Variants in DLG1 observed in about 807,000 individuals in gnomAD.
DLG1 encodes discs large MAGUK scaffold protein 1.
A neutral mutation model predicts 123.4 loss-of-function variants in DLG1; 42 were observed. The observed-to-expected ratio is 0.34, with a 90% CI of 0.27 to 0.44. The LOEUF is 0.44. DLG1 is among the 20% of genes least tolerant of loss of function. The pLI, the probability that DLG1 is intolerant of heterozygous loss-of-function variation, is 1.00. For missense variants in DLG1, 942 were observed against 1,082.6 expected (o/e 0.87, Z 1.82); for synonymous variants, 317 against 356.2 (o/e 0.89, Z 1.24).
intron 22 of DLG1, among the ~76,000 whole-genome samples, chr3:197,061,152 A>G (rs1009872039): frequency 3.9e-5 from 6 of 152,244 alleles, no homozygotes; most frequent in South Asian, 2.1e-4. Context: ...TCAATACATG[A>G]TAATTTCAAT....
At chr3:197,050,173 C>T (rs2148691768) in intron 24 of DLG1, among the ~76,000 whole-genome samples, 1 of 152,230 alleles carries the variant, frequency 6.6e-6, no homozygotes, top group East Asian at 1.9e-4. Context: ...CAAGACCGTC[C>T]TGGCTAACAT....
In DLG1 at chr3:197,065,762, T is replaced by C; in HGVS notation, c.2146A>G (p.Ile716Val). Residue 716 changes from isoleucine to valine, a missense_variant, in exon 21 of 25, where the codon ATA (isoleucine) becomes GTA (valine). Coordinates refer to ENST00000667157, the MANE Select transcript of DLG1 (RefSeq NM_001366207.1). ...VIILGPMKDR[I>V]NDDLISEFPD... ...AATTCTGAGATCAAGTCATCATTTA[T>C]CCTGTCTTTCATAGGTCCCAATATG... 1 of 1,612,736 alleles carries C rather than the reference T, an allele frequency of 6.2e-7. No homozygotes were observed. Among genetic ancestry groups the C allele is most frequent in the Non-Finnish European group, 8.5e-7 (1 of 1,179,138 alleles).
chr3:197,214,057 T>C (rs1015622031), intron 4 of DLG1, among the ~76,000 whole-genome samples: 8 of 152,058 alleles, frequency 5.3e-5, no homozygotes, highest in African/African-American at 1.7e-4. Flanking sequence ...TACAACCAAA[T>C]GAATATGCAA....
At chr3:197,262,672 AC>A (rs760568038) in intron 4 of DLG1, among the ~76,000 whole-genome samples, 28 of 152,252 alleles carry the variant, frequency 1.8e-4, no homozygotes, top group Non-Finnish European at 3.2e-4. Flanking sequence ...CCAAGTAGAC[AC>A]TGCCAGAACT....
At chr3:197,188,670 C>T (rs1204594771) in intron 5 of DLG1, among the ~76,000 whole-genome samples, 2 of 152,134 alleles carry the variant, frequency 1.3e-5, no homozygotes, top group Non-Finnish European at 2.9e-5. Context: ...TGCAGCGTAA[C>T]AGCTGTTCAC....
chr3:197,101,834 C>T (rs1192392504), intron 14 of DLG1, among the ~76,000 whole-genome samples: 1 of 152,074 alleles, frequency 6.6e-6, no homozygotes, highest in Non-Finnish European at 1.5e-5. Flanking sequence ...CTCTGTCGCC[C>T]AGGCTCAAGT....
At chr3:197,195,105 TA>T (rs892217884) in intron 4 of DLG1, among the ~76,000 whole-genome samples, 2 of 151,538 alleles carry the variant, frequency 1.3e-5, no homozygotes, top group African/African-American at 2.4e-5. Flanking sequence ...ACCATAATTT[TA>T]AAAAAAGCTT....
chr3:197,206,347 T>C lies in DLG1; in HGVS notation c.319-11758A>G, dbSNP rs1011430600. 7.9e-5 allele frequency among the ~76,000 whole-genome samples: 12 copies of C among 152,200 alleles called. No individual in the cohort carries two copies. The East Asian group carries it at 2.3e-3, about 29-fold the overall frequency. On this transcript the variant is annotated intron_variant, in intron 4 of 24. Transcript: ENST00000667157. The stretch of plus-strand genomic sequence containing the variant: ...CAGGATCTCACTCTGTTACCAAGGC[T>C]GGAGTGCAGTGGCGTGATCTCGGCT...
chr3:197,083,312 A>G (rs1365060841), intron 16 of DLG1, among the ~76,000 whole-genome samples: 4 of 152,216 alleles, frequency 2.6e-5, no homozygotes, highest in Non-Finnish European at 4.4e-5. Context: ...AACTAATAAG[A>G]AAAAGATGTT....
rs754827427 is a variant in DLG1, at chr3:197,297,235, C to T, written c.-31G>A. 6.2e-7 allele frequency: 1 copy of T among 1,613,918 alleles called. No homozygotes were observed. On this transcript the variant is annotated splice_region_variant and 5_prime_UTR_variant, in exon 2 of 25. In the 5' UTR this introduces an upstream ATG that the reference lacks. Transcript: ENST00000667157. ...TCCAGAATCAGGAAGAGGGCACACA[C>T]CTTTAAAACACACAACGGAAAGGAA...
At chr3:197,058,008 C>G (rs1733015088) in intron 23 of DLG1, among the ~76,000 whole-genome samples, 1 of 150,856 alleles carries the variant, frequency 6.6e-6, no homozygotes, top group Admixed American at 6.6e-5. Flanking sequence ...GGGACAGGGT[C>G]TCGCTCTGTC....
intron 23 of DLG1, among the ~76,000 whole-genome samples, chr3:197,057,580 G>A (rs1448690296): frequency 2.0e-5 from 3 of 152,092 alleles, no homozygotes; most frequent in African/African-American, 4.8e-5. Context: ...ACACTGTTAC[G>A]AGTTTCAGTT....
At chr3:197,262,252 T>C (rs927031306) in intron 4 of DLG1, among the ~76,000 whole-genome samples, 3 of 151,872 alleles carry the variant, frequency 2.0e-5, no homozygotes, top group East Asian at 1.9e-4. Context: ...GGGGCAGGGG[T>C]TGGGGGCTGG....
intron 4 of DLG1, among the ~76,000 whole-genome samples, chr3:197,198,647 T>C (rs947284146): frequency 3.3e-5 from 5 of 152,020 alleles, no homozygotes; most frequent in Middle Eastern, 6.3e-3. Flanking sequence ...AAAGAAGATA[T>C]ACAAACAGCC....
intron 4 of DLG1, among the ~76,000 whole-genome samples, chr3:197,224,979 T>C (rs188885672): frequency 3.3e-4 from 50 of 152,368 alleles, no homozygotes; most frequent in Admixed American, 1.7e-3. Flanking sequence ...GTTGTTGAGA[T>C]GGAGTCTCGC....
At position 197,126,967 on chromosome 3, in the gene DLG1, T is replaced by C. The variant is rs142073886; in HGVS notation, c.1165+3560A>G. Among the ~76,000 whole-genome samples the C allele has an allele frequency of 2.5e-3, 382 of 152,264 alleles. 1 individual carries two copies. In the East Asian group the frequency reaches 0.029, roughly 11 times the overall value. ...ATTCTACAATTTAAAAAAGGAGCAC[T>C]CAAAAGCAGGTTATACCCAGTACGT... On this transcript the variant is annotated intron_variant, in intron 11 of 24. Transcript: ENST00000667157.
chr3:197,266,233 C>T (rs971438968), intron 4 of DLG1, among the ~76,000 whole-genome samples: 4 of 151,906 alleles, frequency 2.6e-5, no homozygotes, highest in Non-Finnish European at 5.9e-5. Context: ...CAAGGAAACA[C>T]GATCCAGAGA....
intron 16 of DLG1, among the ~76,000 whole-genome samples, chr3:197,083,204 A>C (rs1752247632): frequency 1.3e-5 from 2 of 152,230 alleles, no homozygotes; most frequent in African/African-American, 4.8e-5. Context: ...AATCATAATT[A>C]TAAATCTTGA....
At chr3:197,293,666 CTACCAGT>C (rs1321574269) in intron 3 of DLG1, among the ~76,000 whole-genome samples, 2 of 152,006 alleles carry the variant, frequency 1.3e-5, no homozygotes, top group African/African-American at 2.4e-5. Flanking sequence ...TCAATATAAA[CTACCAGT>C]TCAAAGAATC....
Sources: gnomAD v4.1 joint callset for allele counts (sites outside exome capture counted in the v4.1 genomes callset) on GRCh38, gnomAD v4.1.1 for gene constraint, MANE v1.5 for transcripts, NCBI Gene and HGNC (gene_info 2026-07-23, HGNC 2026-07-21) for gene names.